The following ZC3H3 variants were observed in gnomAD, a reference collection of about 807,000 sequenced individuals.
The protein encoded by ZC3H3 is zinc finger CCCH domain-containing protein 3.
Under a neutral mutation model 77.3 loss-of-function variants are expected in ZC3H3, and 36 were observed. That is an observed-to-expected ratio of 0.47 (90% CI 0.36 to 0.61). The LOEUF is 0.61. Ranked by LOEUF, ZC3H3 falls within the 20% of genes least tolerant of loss-of-function variation. The probability of loss-of-function intolerance (pLI) is 0.00; values close to 1 mark genes in which losing one functional copy is unlikely to be tolerated. For missense variants in ZC3H3, 1,331 were observed against 1,312.2 expected (o/e 1.01, Z -0.22); for synonymous variants, 626 against 555.2 (o/e 1.13, Z -1.79).
chr8:143,437,940 C>T lies in ZC3H3; in HGVS notation c.*116G>A, dbSNP rs1819627699. 3 of 1,396,932 alleles carry T rather than the reference C, an allele frequency of 2.1e-6. No homozygotes were observed. The highest frequency in any genetic ancestry group is 1.4e-5 in the African/African-American group (1 of 69,956). 86.5% of individuals were successfully genotyped at this position (1,396,932 alleles called of 1,614,324 possible). A position where few individuals can be genotyped will look rare whatever the true frequency, so the allele number is the denominator to read the frequency against. The stretch of plus-strand genomic sequence containing the variant: ...GGCAGGCAGAGCAGTGTCCCTGTGG[C>T]CCCCAGGTGAGGCTTGGTGGCGGGC... On this transcript the variant is annotated 3_prime_UTR_variant, in exon 12 of 12. Transcript: ENST00000262577.
rs915072598 is a variant in ZC3H3 at position 143,440,061 on chromosome 8, G to T, written c.2795C>A (p.Ala932Asp). 3 of 1,565,312 alleles carry T rather than the reference G, an allele frequency of 1.9e-6. No homozygotes were observed. Among genetic ancestry groups the T allele is most frequent in the Admixed American group, 3.9e-5 (2 of 51,436 alleles). Reference sequence around the variant, plus strand: ...CCTACCTGAGTCCTTGGTGAGGGGGGCCCTAGGGGCCCGGACCCTGGGCTG... The same window carrying T: ...CCTACCTGAGTCCTTGGTGAGGGGGTCCCTAGGGGCCCGGACCCTGGGCTG... ...GAQPRVRAPR[A>D]PLTKDSGKPL... The change falls in exon 11 of 12, where the codon GCC becomes GAC. Residue 932 changes from alanine to aspartate, a missense_variant. Physicochemically the swap from Ala to Asp is moderately radical, Grantham distance 126. This residue lies in a region of ZC3H3 where 249 missense variants were observed against 236.9 expected (regional missense o/e 1.05). Transcript: ENST00000262577.
At chr8:143,477,065 T>G (rs372513) in intron 4 of ZC3H3, among the ~76,000 whole-genome samples, 120,538 of 152,162 alleles carry the variant, frequency 0.79, 47,862 homozygotes, top group East Asian at 0.94. Flanking sequence ...GAGCAGCCCT[T>G]CTGTCGGGTT....
intron 3 of ZC3H3, among the ~76,000 whole-genome samples, chr8:143,508,399 C>G (rs2980275): frequency 0.038 from 5,722 of 152,300 alleles, 327 homozygotes; most frequent in African/African-American, 0.13. Context: ...CCTCCTCAAG[C>G]GGCACCTCCT....
At chr8:143,451,257 G>A (rs2129816261) in intron 9 of ZC3H3, among the ~76,000 whole-genome samples, 1 of 152,210 alleles carries the variant, frequency 6.6e-6, no homozygotes, top group African/African-American at 2.4e-5. Flanking sequence ...AATGACAGAA[G>A]TCAATGAAAA....
chr8:143,503,061 T>C (rs1821573651), intron 4 of ZC3H3, among the ~76,000 whole-genome samples: 1 of 152,164 alleles, frequency 6.6e-6, no homozygotes, highest in Non-Finnish European at 1.5e-5. Flanking sequence ...GGCACCACGC[T>C]CAGCAGAACA....
intron 3 of ZC3H3, among the ~76,000 whole-genome samples, chr8:143,531,746 C>T (rs990849802): frequency 2.6e-5 from 4 of 152,272 alleles, no homozygotes; most frequent in Non-Finnish European, 4.4e-5. Flanking sequence ...CCTGAACTGG[C>T]GATGGCCAGG....
Position 143,502,933 on chromosome 8 carries a change from C to T in ZC3H3, c.1715+4813G>A, listed in dbSNP as rs373619540. 3.9e-4 allele frequency among the ~76,000 whole-genome samples: 60 copies of T among 152,338 alleles called. No homozygotes were observed. The South Asian group carries it at 7.5e-3, about 19-fold the overall frequency. On this transcript the variant is annotated intron_variant, in intron 4 of 11. Transcript: ENST00000262577. ...GGCCCGGGGGAGGGCTGGCCAAGGC[C>T]GGCTCTCAGGGACCACTGTGGCATG...
At chr8:143,492,587 G>C (rs1821237294) in intron 4 of ZC3H3, among the ~76,000 whole-genome samples, 1 of 152,220 alleles carries the variant, frequency 6.6e-6, no homozygotes, top group South Asian at 2.1e-4. Context: ...GATGCCGGAG[G>C]GGCCCGGGGA....
rs538248519 is a variant in ZC3H3, at chr8:143,471,510, G to A, written c.1904-2851C>T. Among the ~76,000 whole-genome samples, 5 of 152,288 alleles carry A rather than the reference G, an allele frequency of 3.3e-5. No homozygotes were observed. The South Asian group carries it at 1.0e-3, about 32-fold the overall frequency. ...AGAACAAGCCAAGGCCAGCCCTGTG[G>A]CCAGAGACTGGGGCCTCTGCCCCAC... On this transcript the variant is annotated intron_variant, in intron 5 of 11. Coordinates refer to ENST00000262577, the MANE Select transcript of ZC3H3 (RefSeq NM_015117.3).
At chr8:143,438,303 C>A (rs991712147) in intron 11 of ZC3H3, among the ~76,000 whole-genome samples, 2 of 152,144 alleles carry the variant, frequency 1.3e-5, no homozygotes, top group Non-Finnish European at 2.9e-5. Flanking sequence ...TCCTGGTGAG[C>A]CTCTGTGGCT....
chr8:143,490,415 G>A (rs953420298), intron 4 of ZC3H3, among the ~76,000 whole-genome samples: 1 of 152,212 alleles, frequency 6.6e-6, no homozygotes, highest in African/African-American at 2.4e-5. Flanking sequence ...CATGCCAACT[G>A]CAGTGACCAC....
intron 4 of ZC3H3, among the ~76,000 whole-genome samples, chr8:143,481,141 G>A (rs78944125): frequency 0.015 from 2,208 of 152,254 alleles, 47 homozygotes; most frequent in African/African-American, 0.051. Flanking sequence ...CCAGGGGTTC[G>A]AGGCCTAGGC....
In ZC3H3 at chr8:143,517,136, G is replaced by A. The variant is rs575321266; in HGVS notation, c.1562-9237C>T. 1.4e-3 allele frequency among the ~76,000 whole-genome samples: 211 copies of A among 152,242 alleles called. 1 individual carries two copies. Among genetic ancestry groups the A allele is most frequent in the Non-Finnish European group, 2.7e-3 (183 of 68,042 alleles). On this transcript the variant is annotated intron_variant, in intron 3 of 11. Transcript: ENST00000262577. Reference sequence around the variant, plus strand: ...TAAAGTCACTCAAGCAACACAAGCTGCTAGTTCCCGTTAATTATTGTGCGC... The same window carrying A: ...TAAAGTCACTCAAGCAACACAAGCTACTAGTTCCCGTTAATTATTGTGCGC...
rs566919999 is a variant in ZC3H3, at chr8:143,524,023, A to G, written c.1561+12234T>C. 1.6e-4 allele frequency among the ~76,000 whole-genome samples: 24 copies of G among 152,360 alleles called. 1 individual carries two copies. Among genetic ancestry groups the G allele is most frequent in the Admixed American group, 4.6e-4 (7 of 15,310 alleles). ...ACAGCTAGCCAGCGGGGGAGGGCGC[A>G]AGCCTGGAACAGAAGTCCGTGTTCC... On this transcript the variant is annotated intron_variant, in intron 3 of 11. Coordinates refer to ENST00000262577, the MANE Select transcript of ZC3H3 (RefSeq NM_015117.3).
At chr8:143,454,130 G>A (rs891814003) in intron 9 of ZC3H3, among the ~76,000 whole-genome samples, 1 of 150,912 alleles carries the variant, frequency 6.6e-6, no homozygotes, top group African/African-American at 2.4e-5. Context: ...GCCCAGGGCT[G>A]GAGTGCAGTG....
Position 143,538,617 on chromosome 8 carries a change from A to C in ZC3H3, c.750T>G (p.His250Gln), listed in dbSNP as rs1376559267. Residue 250 changes from histidine to glutamine, a missense_variant, in exon 2 of 12, where the codon CAT (histidine) becomes CAG (glutamine). His to Gln is a conservative substitution (Grantham distance 24). Transcript: ENST00000262577. ...GCTGTGGAGCACAGCTGGCCACGGA[A>C]TGAGAACCCAGCTTCCGGCCCAGGG... ...GVALGRKLGS[H>Q]SVASCAPQLL... 6.2e-7 allele frequency: 1 copy of C among 1,609,518 alleles called. No homozygotes were observed. Among genetic ancestry groups the C allele is most frequent in the Non-Finnish European group, 8.5e-7 (1 of 1,179,978 alleles).
intron 4 of ZC3H3, 46 bp downstream of exon 4, chr8:143,507,700 C>A (rs758332121): frequency 6.7e-7 from 1 of 1,490,822 alleles, no homozygotes. Flanking sequence ...CAGGGCCAGA[C>A]AGCCCAGTTC....
chr8:143,473,764 G>C (rs928018935), intron 5 of ZC3H3, among the ~76,000 whole-genome samples: 1 of 152,248 alleles, frequency 6.6e-6, no homozygotes, highest in Non-Finnish European at 1.5e-5. Context: ...AGCACCTGCT[G>C]CTGGCCCCGG....
intron 5 of ZC3H3, among the ~76,000 whole-genome samples, chr8:143,470,125 GC>G (rs1369602911): frequency 6.6e-6 from 1 of 152,128 alleles, no homozygotes; most frequent in Admixed American, 6.5e-5. Context: ...CCAGGCTGGA[GC>G]CCCCCCCACT....
Sources: allele counts gnomAD v4.1 joint callset (sites outside exome capture counted in the v4.1 genomes callset), GRCh38; gene constraint gnomAD v4.1.1; regional missense constraint gnomAD v4.1.1; transcripts MANE v1.5; gene names NCBI Gene and HGNC (gene_info 2026-07-23, HGNC 2026-07-21).